The following GALNTL6 variants were observed in gnomAD, a reference collection of about 807,000 sequenced individuals.
GALNTL6 encodes the protein polypeptide N-acetylgalactosaminyltransferase like 6.
Under a neutral mutation model 73.7 loss-of-function variants are expected in GALNTL6, and 46 were observed. The observed-to-expected ratio is 0.62, with a 90% CI of 0.49 to 0.80. The LOEUF is 0.80. Ranked by LOEUF, GALNTL6 falls within the 30% of genes least tolerant of loss-of-function variation. GALNTL6 has a pLI of 0.00. For synonymous variants in GALNTL6, 259 were observed against 263.7 expected (o/e 0.98, Z 0.17); for missense variants, 604 against 755.0 (o/e 0.80, Z 2.34).
chr4:172,871,847 G>A (rs1210855933), intron 7 of GALNTL6, among the ~76,000 whole-genome samples: 2 of 151,740 alleles, frequency 1.3e-5, no homozygotes, highest in African/African-American at 2.4e-5. Context: ...GTGATGGCGC[G>A]ATCTTGGCTC....
At chr4:172,076,204 G>A (rs1017380054) in intron 2 of GALNTL6, among the ~76,000 whole-genome samples, 11 of 152,138 alleles carry the variant, frequency 7.2e-5, no homozygotes, top group African/African-American at 2.7e-4. Context: ...TGCTAAATTA[G>A]TCTCTGCTGC....
At chr4:172,748,872 T>C (rs1715273190) in intron 5 of GALNTL6, among the ~76,000 whole-genome samples, 1 of 148,680 alleles carries the variant, frequency 6.7e-6, no homozygotes, top group South Asian at 2.2e-4. Context: ...CATATACACA[T>C]ATTTTCTTTT....
intron 7 of GALNTL6, among the ~76,000 whole-genome samples, chr4:172,820,147 T>A (rs772933955): frequency 2.6e-5 from 4 of 152,192 alleles, no homozygotes; most frequent in Non-Finnish European, 5.9e-5. Context: ...CATAAAGCCG[T>A]GGACCCAGGC....
intron 12 of GALNTL6, among the ~76,000 whole-genome samples, chr4:173,036,880 G>A (rs1579811608): frequency 6.6e-6 from 1 of 152,170 alleles, no homozygotes; most frequent in Non-Finnish European, 1.5e-5. Context: ...CATCAATGCT[G>A]TGACCACTGA....
At chr4:172,025,727 G>A (rs1741550193) in intron 2 of GALNTL6, among the ~76,000 whole-genome samples, 1 of 151,750 alleles carries the variant, frequency 6.6e-6, no homozygotes, top group Non-Finnish European at 1.5e-5. Flanking sequence ...TTTTTATTGG[G>A]CTTTGGAACT....
At chr4:172,062,292 A>C (rs903394743) in intron 2 of GALNTL6, among the ~76,000 whole-genome samples, 1 of 152,096 alleles carries the variant, frequency 6.6e-6, no homozygotes, top group African/African-American at 2.4e-5. Flanking sequence ...AGAGAAATTT[A>C]ATAATGTGTT....
intron 5 of GALNTL6, among the ~76,000 whole-genome samples, chr4:172,776,785 C>T (rs1354776438): frequency 6.6e-6 from 1 of 152,158 alleles, no homozygotes; most frequent in African/African-American, 2.4e-5. Context: ...TTACTTTTGG[C>T]TTTTAAAATA....
intron 10 of GALNTL6, among the ~76,000 whole-genome samples, chr4:172,969,055 T>C (rs1750456562): frequency 6.6e-6 from 1 of 152,152 alleles, no homozygotes; most frequent in Non-Finnish European, 1.5e-5. Flanking sequence ...ATCTTAAAAC[T>C]AATCAAAGCT....
At chr4:172,487,723 T>C (rs773623125) in intron 5 of GALNTL6, among the ~76,000 whole-genome samples, 10 of 152,162 alleles carry the variant, frequency 6.6e-5, no homozygotes, top group South Asian at 2.1e-4. Context: ...ACCTACTTTG[T>C]GGCAGTTCAT....
intron 5 of GALNTL6, among the ~76,000 whole-genome samples, chr4:172,369,523 G>C (rs947113319): frequency 3.3e-5 from 5 of 152,192 alleles, no homozygotes; most frequent in African/African-American, 1.2e-4. Context: ...CGGAGCAGGG[G>C]GTGGCACCCG....
At chr4:172,654,449 C>CT (rs1342926360) in intron 5 of GALNTL6, among the ~76,000 whole-genome samples, 2 of 152,140 alleles carry the variant, frequency 1.3e-5, no homozygotes, top group African/African-American at 4.8e-5. Flanking sequence ...TTTAATTTTT[C>CT]TTTTAAATGC....
At chr4:172,727,600 C>T (rs1039994455) in intron 5 of GALNTL6, among the ~76,000 whole-genome samples, 2 of 152,136 alleles carry the variant, frequency 1.3e-5, no homozygotes, top group Non-Finnish European at 2.9e-5. Flanking sequence ...AGGAATAAAT[C>T]TAACAAAGTG....
intron 2 of GALNTL6, among the ~76,000 whole-genome samples, chr4:172,076,869 G>A (rs2110913574): frequency 6.6e-6 from 1 of 152,312 alleles, no homozygotes; most frequent in East Asian, 1.9e-4. Flanking sequence ...AATCTCATGT[G>A]GAATTGGAGG....
intron 5 of GALNTL6, among the ~76,000 whole-genome samples, chr4:172,564,277 A>G: frequency 6.6e-6 from 1 of 152,216 alleles, no homozygotes; most frequent in East Asian, 1.9e-4. Context: ...CCCTATGCAT[A>G]GTCCAATCAT....
chr4:172,864,495 C>T (rs1240598952), intron 7 of GALNTL6, among the ~76,000 whole-genome samples: 1 of 152,036 alleles, frequency 6.6e-6, no homozygotes, highest in Non-Finnish European at 1.5e-5. Flanking sequence ...ATGCTCTGTC[C>T]CTATTTAGAA....
intron 2 of GALNTL6, among the ~76,000 whole-genome samples, chr4:172,113,733 G>C (rs1344915808): frequency 6.6e-6 from 1 of 151,990 alleles, no homozygotes; most frequent in South Asian, 2.1e-4. Context: ...GAGATTTAAA[G>C]CTCCTTTCAG....
At chr4:172,887,094 T>C (rs1044086572) in intron 8 of GALNTL6, among the ~76,000 whole-genome samples, 1 of 152,232 alleles carries the variant, frequency 6.6e-6, no homozygotes, top group African/African-American at 2.4e-5. Flanking sequence ...TTTGATTTTC[T>C]GTTACTGCAT....
At chr4:172,788,597 G>A (rs1014163400) in intron 5 of GALNTL6, among the ~76,000 whole-genome samples, 4 of 151,060 alleles carry the variant, frequency 2.6e-5, no homozygotes, top group Admixed American at 6.6e-5. Context: ...CCGTGAAACC[G>A]GGAGGCGGAG....
chr4:172,627,938 C>CAAA (rs33949290), intron 5 of GALNTL6, among the ~76,000 whole-genome samples: 3 of 150,234 alleles, frequency 2.0e-5, no homozygotes, highest in African/African-American at 4.9e-5. Context: ...TTTATCCTTT[C>CAAA]AAAAAAAAAA....
Sources: allele counts gnomAD v4.1 joint callset (sites outside exome capture counted in the v4.1 genomes callset), GRCh38; gene constraint gnomAD v4.1.1; transcripts MANE v1.5; gene names NCBI Gene and HGNC (gene_info 2026-07-23, HGNC 2026-07-21).